Variants in SAMD12 observed in about 807,000 individuals in gnomAD.
The protein encoded by SAMD12 is sterile alpha motif domain containing 12.
In SAMD12, 9 loss-of-function variants were observed where a neutral mutation model predicts 15.0. The ratio of observed to expected loss-of-function variants is 0.60; its 90% confidence interval spans 0.36 to 1.05. SAMD12 has a LOEUF of 1.05. SAMD12 is among the 50% of genes least tolerant of loss of function. The pLI, the probability that SAMD12 is intolerant of heterozygous loss-of-function variation, is 0.01. For synonymous variants in SAMD12, 86 were observed against 90.1 expected (o/e 0.96, Z 0.25); for missense variants, 230 against 234.2 (o/e 0.98, Z 0.12).
intron 4 of SAMD12, among the ~76,000 whole-genome samples, chr8:118,371,213 T>G (rs1000629640): frequency 1.3e-5 from 2 of 152,300 alleles, no homozygotes; most frequent in East Asian, 3.9e-4. Context: ...AGAGTTTGAC[T>G]TTTATTCTGT....
intron 2 of SAMD12, among the ~76,000 whole-genome samples, chr8:118,453,913 C>A (rs1237500280): frequency 6.6e-6 from 1 of 151,984 alleles, no homozygotes; most frequent in South Asian, 2.1e-4. Flanking sequence ...TTACCAAATT[C>A]CCTGTTTTTC....
intron 4 of SAMD12, among the ~76,000 whole-genome samples, chr8:118,306,298 T>C (rs903506879): frequency 1.3e-5 from 2 of 152,178 alleles, no homozygotes; most frequent in African/African-American, 4.8e-5. Flanking sequence ...CTCCTGGTTG[T>C]CCTCAATATA....
intron 4 of SAMD12, among the ~76,000 whole-genome samples, chr8:118,364,957 G>T (rs1818694082): frequency 2.0e-5 from 3 of 151,934 alleles, no homozygotes; most frequent in African/African-American, 4.8e-5. Flanking sequence ...TAGATGTCTT[G>T]CCCCCTGTCT....
At chr8:118,270,733 C>A (rs867796295) in intron 4 of SAMD12, among the ~76,000 whole-genome samples, 24 of 152,096 alleles carry the variant, frequency 1.6e-4, no homozygotes, top group Admixed American at 1.5e-3. Flanking sequence ...AGTCATAAGA[C>A]AATCTTTCCT....
chr8:118,199,259 T>C (rs1819646603), intron 4 of SAMD12, among the ~76,000 whole-genome samples: 1 of 152,204 alleles, frequency 6.6e-6, no homozygotes. Flanking sequence ...AACTAAAGCA[T>C]CATGATTGTT....
chr8:118,602,300 C>T (rs1423939702), intron 1 of SAMD12, among the ~76,000 whole-genome samples: 1 of 152,176 alleles, frequency 6.6e-6, no homozygotes, highest in Non-Finnish European at 1.5e-5. Flanking sequence ...TCTTCTACTT[C>T]CTATCATATA....
At chr8:118,445,885 T>C (rs1200329487) in intron 2 of SAMD12, among the ~76,000 whole-genome samples, 3 of 152,140 alleles carry the variant, frequency 2.0e-5, no homozygotes, top group Non-Finnish European at 1.5e-5. Context: ...GCACAGGGGA[T>C]CTATTTTAGA....
chr8:118,478,441 C>A (rs1295356178), intron 2 of SAMD12, among the ~76,000 whole-genome samples: 1 of 152,164 alleles, frequency 6.6e-6, no homozygotes, highest in Admixed American at 6.5e-5. Context: ...TTTTCTTAAG[C>A]CACAAAGTAA....
intron 2 of SAMD12, among the ~76,000 whole-genome samples, chr8:118,478,242 T>C (rs919497082): frequency 1.3e-5 from 2 of 152,192 alleles, no homozygotes; most frequent in African/African-American, 2.4e-5. Flanking sequence ...GCAAGATGGC[T>C]TGGCCAAAAT....
In SAMD12 at chr8:118,552,255, G is replaced by A. The variant is rs371166981; in HGVS notation, c.192+28460C>T. ...AGAATTTTAGACCAATATCCTTGAT[G>A]AACATTGATGCAAAAATCCTCAATA... On this transcript the variant is annotated intron_variant, in intron 2 of 3. Transcript: ENST00000314727. Among the ~76,000 whole-genome samples the A allele has an allele frequency of 5.3e-5, 8 of 152,270 alleles. No individual in the cohort carries two copies. The South Asian group carries it at 6.2e-4, about 12-fold the overall frequency.
At chr8:118,284,649 A>C (rs972571718) in intron 4 of SAMD12, 1 of 225,668 alleles carries the variant, frequency 4.4e-6, no homozygotes, top group African/African-American at 2.3e-5. Flanking sequence ...AATCTTAAAG[A>C]AGCAGTGAAT....
At chr8:118,526,284 T>C (rs770895376) in intron 2 of SAMD12, among the ~76,000 whole-genome samples, 1 of 152,130 alleles carries the variant, frequency 6.6e-6, no homozygotes, top group Non-Finnish European at 1.5e-5. Context: ...TAATGACAAA[T>C]GGCAGAGCTC....
At chr8:118,453,809 C>T (rs1823157256) in intron 2 of SAMD12, among the ~76,000 whole-genome samples, 1 of 152,118 alleles carries the variant, frequency 6.6e-6, no homozygotes, top group Non-Finnish European at 1.5e-5. Context: ...GCATGAGCCA[C>T]CATGCCTGGC....
the SAMD12 span, among the ~76,000 whole-genome samples, chr8:118,176,506 C>G: frequency 6.6e-6 from 1 of 152,088 alleles, no homozygotes; most frequent in African/African-American, 2.4e-5. Flanking sequence ...ATATCATGGC[C>G]TTTGCAGCAA....
chr8:118,597,585 G>C (rs1286344047), intron 1 of SAMD12, among the ~76,000 whole-genome samples: 1 of 152,220 alleles, frequency 6.6e-6, no homozygotes, highest in African/African-American at 2.4e-5. Context: ...CGCCCTGCAG[G>C]CAGCAGAACT....
At chr8:118,382,985 T>C (rs1375567574) in intron 3 of SAMD12, among the ~76,000 whole-genome samples, 2 of 152,238 alleles carry the variant, frequency 1.3e-5, no homozygotes, top group Non-Finnish European at 2.9e-5. Flanking sequence ...AAATTATTTC[T>C]AGGAGTAAAT....
Position 118,271,430 on chromosome 8 carries a change from GAC to G in SAMD12, c.434-73700_434-73699del, listed in dbSNP as rs1813353280. On this transcript the variant is annotated intron_variant, in intron 4 of 4. Coordinates refer to the SAMD12 transcript ENST00000409003. ...CAATTCAAGATGAGATTTGGATGGA[GAC>G]ACACCCAAACCATATCATTCCACCC... is the stretch of plus-strand genomic sequence containing the variant. Among the ~76,000 whole-genome samples the G allele has an allele frequency of 7.2e-5, 11 of 152,156 alleles. No individual in the cohort carries two copies. The South Asian group carries it at 2.3e-3, about 32-fold the overall frequency.
chr8:118,603,438 A>C (rs555470762), intron 1 of SAMD12, among the ~76,000 whole-genome samples: 10 of 152,320 alleles, frequency 6.6e-5, no homozygotes, highest in Admixed American at 3.3e-4. Flanking sequence ...TTTCCCAAAA[A>C]CATGACTGGA....
intron 2 of SAMD12, among the ~76,000 whole-genome samples, chr8:118,441,185 C>G (rs1822750541): frequency 6.6e-6 from 1 of 152,076 alleles, no homozygotes; most frequent in Non-Finnish European, 1.5e-5. Context: ...GGTAGTATAT[C>G]TAGCATCTAA....
Sources: gnomAD v4.1 joint callset for allele counts (sites outside exome capture counted in the v4.1 genomes callset) on GRCh38, gnomAD v4.1.1 for gene constraint, MANE v1.5 for transcripts, NCBI Gene and HGNC (gene_info 2026-07-23, HGNC 2026-07-21) for gene names.